The following GPR19 variants were observed in gnomAD, a reference collection of about 807,000 sequenced individuals.
GPR19 encodes the protein G protein-coupled receptor 19.
In GPR19, 14 loss-of-function variants were observed where a neutral mutation model predicts 28.5. That is an observed-to-expected ratio of 0.49 (90% confidence interval 0.32 to 0.77). GPR19 has a LOEUF of 0.77. Ranked by LOEUF, GPR19 falls within the 30% of genes least tolerant of loss-of-function variation. GPR19 has a pLI of 0.03. For missense variants in GPR19, 409 were observed against 504.1 expected (o/e 0.81, Z 1.81); for synonymous variants, 173 against 184.1 (o/e 0.94, Z 0.49).
At chr12:12,687,603 GA>G (rs1946115373) in intron 2 of GPR19, among the ~76,000 whole-genome samples, 1 of 152,166 alleles carries the variant, frequency 6.6e-6, no homozygotes, top group Non-Finnish European at 1.5e-5. Context: ...TGCGTTGTCT[GA>G]ATTTAAAAAC....
chr12:12,716,789 C>T, the GPR19 span: 1 of 985,272 alleles, frequency 1.0e-6, no homozygotes, highest in Non-Finnish European at 1.2e-6. Flanking sequence ...TAAGGCTGAG[C>T]GAACCATTGC....
At chr12:12,686,822 A>G (rs1946104077) in intron 2 of GPR19, among the ~76,000 whole-genome samples, 1 of 152,230 alleles carries the variant, frequency 6.6e-6, no homozygotes, top group African/African-American at 2.4e-5. Context: ...ATTGCTTTAA[A>G]TTATTTGAGA....
the GPR19 span, among the ~76,000 whole-genome samples, chr12:12,713,096 T>A: frequency 7.4e-6 from 1 of 135,142 alleles, no homozygotes; most frequent in Non-Finnish European, 1.5e-5. Flanking sequence ...AGAGTCTCAC[T>A]CTGTCTCTCC....
At position 12,695,477 on chromosome 12, in the gene GPR19, C is replaced by T. The variant is rs1404345052; in HGVS notation, c.-198G>A. On this transcript the variant is annotated 5_prime_UTR_variant, in exon 2 of 4. An upstream open reading frame in the 5' UTR gains an earlier in-frame stop. Transcript: ENST00000651487. ...GTGGTACCTTTAAGATGTTGCGGGG[C>T]CAAATCCAATGCCGGTGCAGGTGTC... 1 of 152,182 alleles carries T rather than the reference C, an allele frequency of 6.6e-6. No individual in the cohort carries two copies. The highest frequency in any genetic ancestry group is 1.9e-4 in the East Asian group (1 of 5,196). The allele number at this position is 152,182 out of a possible 1,614,324, so 9.4% of individuals were successfully genotyped here. A position where few individuals can be genotyped will look rare whatever the true frequency, so the allele number is the denominator to read the frequency against.
Position 12,661,257 on chromosome 12 carries a change from T to G in GPR19, c.1192A>C (p.Lys398Gln), listed in dbSNP as rs1165916239. ...SIYDSFDREA[K>Q]EKKLAWPINS... ...ATGGGCCAAGCAAGCTTTTTTTCCTTGGCTTCTCTGTCAAATGAGTCATAG... is the reference window on the plus strand; with the variant it reads ...ATGGGCCAAGCAAGCTTTTTTTCCTGGGCTTCTCTGTCAAATGAGTCATAG... The change falls in exon 4 of 4, where the codon AAG (lysine) becomes CAG (glutamine). Residue 398 changes from lysine to glutamine, a missense_variant. Lys to Gln is a moderately conservative substitution (Grantham distance 53, BLOSUM62 1). Transcript: ENST00000651487. The surrounding 1 kb of genome is among the most constrained non-coding windows in gnomAD (Gnocchi z 4.2). 8.1e-6 allele frequency: 13 copies of G among 1,612,746 alleles called. No individual in the cohort carries two copies. The highest frequency in any genetic ancestry group is 1.0e-5 in the Non-Finnish European group (12 of 1,179,512).
rs1244122930 is a variant in GPR19, at chr12:12,661,280, T to C, written c.1169A>G (p.Tyr390Cys). The change falls in exon 4 of 4, where the codon TAT (tyrosine) becomes TGT (cysteine). Residue 390 changes from tyrosine to cysteine, a missense_variant. Physicochemically the swap from Tyr to Cys is radical, Grantham distance 194. Transcript: ENST00000651487. The surrounding 1 kb of genome is among the most constrained non-coding windows in gnomAD (Gnocchi z 4.2). ...CTTGGCTTCTCTGTCAAATGAGTCA[T>C]AGATCGAGTCTTTGGTAATAGTTTT... ...MAKTITKDSI[Y>C]DSFDREAKEK... 6 of 1,613,700 alleles carry C rather than the reference T, an allele frequency of 3.7e-6. No homozygotes were observed. The highest frequency in any genetic ancestry group is 4.2e-6 in the Non-Finnish European group (5 of 1,179,714).
At chr12:12,688,019 T>A (rs1186060173) in intron 2 of GPR19, among the ~76,000 whole-genome samples, 2 of 152,222 alleles carry the variant, frequency 1.3e-5, no homozygotes, top group African/African-American at 2.4e-5. Flanking sequence ...ACTACTATAG[T>A]TAGAACACCA....
chr12:12,682,294 C>T (rs10845607), intron 3 of GPR19, among the ~76,000 whole-genome samples: 24,233 of 152,206 alleles, frequency 0.16, 2,456 homozygotes, highest in East Asian at 0.3. Flanking sequence ...TTTGTAGCTG[C>T]TCCAGGGCCA....
the GPR19 span, among the ~76,000 whole-genome samples, chr12:12,704,739 T>C: frequency 1.3e-5 from 2 of 152,194 alleles, no homozygotes; most frequent in Non-Finnish European, 1.5e-5. Flanking sequence ...GGCCTTGTGC[T>C]GCCCTCCTGT....
intron 3 of GPR19, among the ~76,000 whole-genome samples, chr12:12,676,818 A>G (rs1945938766): frequency 6.6e-6 from 1 of 152,214 alleles, no homozygotes; most frequent in East Asian, 1.9e-4. Flanking sequence ...ACCTCACTAA[A>G]TTCAATTCAC....
chr12:12,671,784 C>A (rs370140347), intron 3 of GPR19, among the ~76,000 whole-genome samples: 10 of 152,292 alleles, frequency 6.6e-5, no homozygotes, highest in Middle Eastern at 3.4e-3. Context: ...AAAAAATCAA[C>A]CTCTCTCACA....
chr12:12,717,204 G>C, the GPR19 span: 1 of 1,046,218 alleles, frequency 9.6e-7, no homozygotes, highest in Non-Finnish European at 1.2e-6. Flanking sequence ...CCAATCTCCC[G>C]GCGGCGCTCG....
the GPR19 span, among the ~76,000 whole-genome samples, chr12:12,708,072 T>C: frequency 7.5e-6 from 1 of 133,180 alleles, no homozygotes; most frequent in Non-Finnish European, 1.5e-5. Context: ...TGATCACAGC[T>C]CACTACAGCC....
At chr12:12,679,712 C>T (rs1249439414) in intron 3 of GPR19, among the ~76,000 whole-genome samples, 4 of 151,834 alleles carry the variant, frequency 2.6e-5, no homozygotes, top group Non-Finnish European at 5.9e-5. Flanking sequence ...CGACCCCCAC[C>T]ACGACAAAGA....
At chr12:12,669,875 A>T (rs1430163560) in intron 3 of GPR19, among the ~76,000 whole-genome samples, 1 of 152,152 alleles carries the variant, frequency 6.6e-6, no homozygotes, top group Non-Finnish European at 1.5e-5. Context: ...TGGCCTTGAG[A>T]TAAAGACTCT....
chr12:12,688,799 C>T (rs1231432864), intron 2 of GPR19: 1 of 152,248 alleles, frequency 6.6e-6, no homozygotes, highest in Non-Finnish European at 1.5e-5. Flanking sequence ...GTGGCCAATA[C>T]TCCCTGGGAG....
At position 12,666,735 on chromosome 12, in the gene GPR19, G is replaced by A. The variant is rs575053053; in HGVS notation, c.-22-4265C>T. 2.0e-5 allele frequency among the ~76,000 whole-genome samples: 3 copies of A among 152,324 alleles called. No individual in the cohort carries two copies. The South Asian group carries it at 6.2e-4, about 32-fold the overall frequency. On this transcript the variant is annotated intron_variant, in intron 3 of 3. Transcript: ENST00000651487. ...ACTAAATTGGATCTGTAAGGACAGAGAACTGAAATAAATGACTCTTACTCT... is the reference window on the plus strand; with the variant it reads ...ACTAAATTGGATCTGTAAGGACAGAAAACTGAAATAAATGACTCTTACTCT...
the GPR19 span, among the ~76,000 whole-genome samples, chr12:12,704,570 A>T: frequency 6.6e-6 from 1 of 152,254 alleles, no homozygotes; most frequent in Non-Finnish European, 1.5e-5. Context: ...TGAGTAGTGT[A>T]TGAAAATGAT....
upstream of GPR19, among the ~76,000 whole-genome samples, chr12:12,700,464 C>T (rs1946314831): frequency 6.6e-6 from 1 of 152,088 alleles, no homozygotes; most frequent in African/African-American, 2.4e-5. Context: ...TGTCATATGA[C>T]TACCTTTAGC....
Sources: gnomAD v4.1 joint callset for allele counts (sites outside exome capture counted in the v4.1 genomes callset) on GRCh38, gnomAD v4.1.1 for gene constraint, Gnocchi (gnomAD v3.1) non-coding constraint, MANE v1.5 for transcripts, NCBI Gene and HGNC (gene_info 2026-07-23, HGNC 2026-07-21) for gene names.